Variants in LRP2BP observed in about 807,000 individuals in gnomAD.
LRP2BP encodes LRP2 binding protein.
Under a neutral mutation model 45.2 loss-of-function variants are expected in LRP2BP, and 38 were observed. The ratio of observed to expected loss-of-function variants is 0.84; its 90% confidence interval spans 0.65 to 1.10. The LOEUF (loss-of-function observed/expected upper bound fraction) is 1.10. LRP2BP is among the 50% of genes least tolerant of loss of function. The pLI, the probability that LRP2BP is intolerant of heterozygous loss-of-function variation, is 0.00. For synonymous variants in LRP2BP, 153 were observed against 153.9 expected (o/e 0.99, Z 0.04); for missense variants, 385 against 418.9 (o/e 0.92, Z 0.71).
At chr4:185,369,871 G>A in intron 8 of LRP2BP, 2 of 385,718 alleles carry the variant, frequency 5.2e-6, no homozygotes, top group South Asian at 2.0e-5. Flanking sequence ...AGAAGCTTGG[G>A]AACCACTGCT....
chr4:185,387,987 C>T (rs2095476683), intron 1 of LRP2BP, among the ~76,000 whole-genome samples: 1 of 152,210 alleles, frequency 6.6e-6, no homozygotes, highest in African/African-American at 2.4e-5. Flanking sequence ...GAGCCCTCGA[C>T]AGGAAAAGCG....
At chr4:185,390,648 T>C (rs183342733) in intron 1 of LRP2BP, 12 of 152,286 alleles carry the variant, frequency 7.9e-5, no homozygotes, top group Admixed American at 4.6e-4. Context: ...TGACTGACAT[T>C]CTAGAGAATG....
At chr4:185,391,475 G>GA (rs1323365176) in intron 1 of LRP2BP, among the ~76,000 whole-genome samples, 1 of 152,224 alleles carries the variant, frequency 6.6e-6, no homozygotes, top group African/African-American at 2.4e-5. Context: ...CTTCTGTAAA[G>GA]AAGCATTGTC....
rs1274499691 is a variant in LRP2BP, at chr4:185,370,760, G to A, written c.858C>T (p.Asp286=). 6.2e-7 allele frequency: 1 copy of A among 1,614,156 alleles called. No individual in the cohort carries two copies. The highest frequency in any genetic ancestry group is 8.5e-7 in the Non-Finnish European group (1 of 1,180,022). The change falls in exon 8 of 9, where the codon GAC becomes GAT. Residue 286 remains aspartate (D), a synonymous_variant. Transcript: ENST00000505916. ...HDIPMIAQVT[D]CLPEFIGRGM... ...CTCTGCCGATGAACTCCGGGAGACA[G>A]TCTGTGACCTGGGCGATCATGGGGA...
At chr4:185,393,685 C>T (rs189578659) in intron 1 of LRP2BP, among the ~76,000 whole-genome samples, 23 of 152,054 alleles carry the variant, frequency 1.5e-4, no homozygotes, top group African/African-American at 5.5e-4. Context: ...GCCACCACGC[C>T]CGGCCAATTT....
At chr4:185,395,958 GAA>G, upstream of LRP2BP, 3 of 960,678 alleles carry the variant, frequency 3.1e-6, no homozygotes. Flanking sequence ...GCTGCCATCG[GAA>G]GTCAGGTCAT....
intron 6 of LRP2BP, 64 bp from the exon 7 acceptor site, chr4:185,373,143 T>G: frequency 7.0e-7 from 1 of 1,429,678 alleles, no homozygotes; most frequent in South Asian, 1.2e-5. Context: ...AAGGGAATAC[T>G]AGACAGAAAA....
At chr4:185,392,650 T>C (rs577012531) in intron 1 of LRP2BP, among the ~76,000 whole-genome samples, 1 of 152,158 alleles carries the variant, frequency 6.6e-6, no homozygotes, top group Non-Finnish European at 1.5e-5. Flanking sequence ...GATCTGGTTA[T>C]AACCTTCTGT....
At chr4:185,368,794 TG>T (rs1280182869) in intron 8 of LRP2BP, among the ~76,000 whole-genome samples, 65 of 142,366 alleles carry the variant, frequency 4.6e-4, no homozygotes, top group African/African-American at 7.8e-4. Flanking sequence ...GAATCTGTTT[TG>T]TTTTTTTTTT....
chr4:185,393,954 A>G (rs1045206119), intron 1 of LRP2BP, among the ~76,000 whole-genome samples: 5 of 152,096 alleles, frequency 3.3e-5, no homozygotes, highest in African/African-American at 4.8e-5. Context: ...GATTACAATA[A>G]TTTTCTCTGA....
chr4:185,380,565 C>T (rs935729062), intron 1 of LRP2BP, among the ~76,000 whole-genome samples: 1 of 152,158 alleles, frequency 6.6e-6, no homozygotes. Flanking sequence ...TCCTCTCCTC[C>T]CTCTTATGAG....
chr4:185,377,952 A>C (rs1448701907), intron 2 of LRP2BP, 129 bp downstream of exon 2: 1 of 747,374 alleles, frequency 1.3e-6, no homozygotes, highest in East Asian at 2.8e-5. Context: ...GGGAAAACTC[A>C]AAAGGACTAA....
intron 8 of LRP2BP, among the ~76,000 whole-genome samples, chr4:185,369,487 G>C (rs544965090): frequency 6.7e-6 from 1 of 149,880 alleles, no homozygotes; most frequent in South Asian, 2.1e-4. Context: ...CAAGTGATCT[G>C]CCTGCCTCAG....
intron 1 of LRP2BP, among the ~76,000 whole-genome samples, chr4:185,391,587 GAGTT>G (rs2095488567): frequency 6.6e-6 from 1 of 152,112 alleles, no homozygotes; most frequent in African/African-American, 2.4e-5. Context: ...AACAGTACCT[GAGTT>G]AGTTCCAGTT....
intron 8 of LRP2BP, chr4:185,369,733 A>G (rs752781245): frequency 4.5e-6 from 2 of 439,704 alleles, no homozygotes; most frequent in South Asian, 1.7e-5. Context: ...AACTTACCTG[A>G]CATTGGAATC....
chr4:185,371,635 C>G (rs1330230460), intron 7 of LRP2BP, among the ~76,000 whole-genome samples: 1 of 151,102 alleles, frequency 6.6e-6, no homozygotes, highest in Non-Finnish European at 1.5e-5. Context: ...GTGATCCAGT[C>G]AACTCCATGT....
At chr4:185,378,952 C>A in intron 1 of LRP2BP, 1 of 985,334 alleles carries the variant, frequency 1.0e-6, no homozygotes, top group Non-Finnish European at 1.2e-6. Flanking sequence ...AATAGAGAGA[C>A]CCTTAGTGTG....
At chr4:185,387,025 C>T (rs1307009859) in intron 1 of LRP2BP, among the ~76,000 whole-genome samples, 1 of 152,178 alleles carries the variant, frequency 6.6e-6, no homozygotes, top group Non-Finnish European at 1.5e-5. Flanking sequence ...GTGGGCAGAT[C>T]ACCTGAGGTT....
At chr4:185,375,518 A>ATATATATG (rs1554018476) in intron 4 of LRP2BP, 95 bp downstream of exon 4, 3 of 126,914 alleles carry the variant, frequency 2.4e-5, no homozygotes, top group Admixed American at 2.0e-4. Context: ...ATATATATGT[A>ATATATATG]TATATATATG....
Sources: gnomAD v4.1 joint callset for allele counts (sites outside exome capture counted in the v4.1 genomes callset) on GRCh38, gnomAD v4.1.1 for gene constraint, MANE v1.5 for transcripts, NCBI Gene and HGNC (gene_info 2026-07-23, HGNC 2026-07-21) for gene names.